HSDL2: variants seen among roughly 807,000 people sequenced by gnomAD.
HSDL2 encodes the protein hydroxysteroid dehydrogenase-like protein 2.
A neutral mutation model predicts 46.3 loss-of-function variants in HSDL2; 27 were observed. That is an observed-to-expected ratio of 0.58 (90% confidence interval 0.43 to 0.80). HSDL2 has a LOEUF of 0.80. HSDL2 is among the 30% of genes least tolerant of loss of function. The pLI is 0.00. For missense variants in HSDL2, 451 were observed against 502.7 expected (o/e 0.90, Z 0.98); for synonymous variants, 153 against 163.6 (o/e 0.94, Z 0.50).
chr9:112,458,917 C>T (rs565099293), intron 9 of HSDL2, among the ~76,000 whole-genome samples: 2 of 151,736 alleles, frequency 1.3e-5, no homozygotes, highest in African/African-American at 4.8e-5. Context: ...GGAGGCGGAG[C>T]TTGCAGTGAG....
chr9:112,455,061 C>T (rs545897674), intron 9 of HSDL2, among the ~76,000 whole-genome samples: 43 of 152,134 alleles, frequency 2.8e-4, no homozygotes, highest in Middle Eastern at 3.4e-3. Flanking sequence ...AAAATTTACA[C>T]GTTAATAATA....
At chr9:112,383,732 C>T (rs763334724) in intron 1 of HSDL2, among the ~76,000 whole-genome samples, 1 of 152,180 alleles carries the variant, frequency 6.6e-6, no homozygotes, top group African/African-American at 2.4e-5. Flanking sequence ...GACAGGGCCT[C>T]GCTCTGTCAC....
intron 4 of HSDL2, among the ~76,000 whole-genome samples, chr9:112,409,773 A>G (rs546273387): frequency 6.6e-6 from 1 of 152,050 alleles, no homozygotes; most frequent in African/African-American, 2.4e-5. Flanking sequence ...GGATCCCTTG[A>G]GCCCAGGAGT....
chr9:112,471,504 C>G lies in HSDL2; in HGVS notation c.*960C>G, dbSNP rs1833573908. The G allele has an allele frequency of 5.3e-5, 8 of 152,294 alleles. No homozygotes were observed. Among genetic ancestry groups the G allele is most frequent in the Admixed American group, 5.2e-4 (8 of 15,286 alleles). 9.4% of individuals were successfully genotyped at this position (152,294 alleles called of 1,614,324 possible). On this transcript the variant is annotated 3_prime_UTR_variant, in exon 11 of 11. Coordinates refer to ENST00000398805, the MANE Select transcript of HSDL2 (RefSeq NM_032303.5). ...GCAAAGAGAGAGGCTTCAGAAGAAA[C>G]AAAATCACCAGCACCTTGATCTTTG...
chr9:112,418,956 C>T lies in HSDL2; in HGVS notation c.596C>T (p.Thr199Ile), dbSNP rs1007556948. Residue 199 changes from threonine (T) to isoleucine (I), a missense_variant and splice_region_variant, in exon 6 of 11, where the codon ACA (threonine) becomes ATA (isoleucine). Transcript: ENST00000398805. Reference sequence around the variant, plus strand: ...GCAGTCAATGCATTATGGCCTAAAACAGGTATGTATTTTTAAAAACTTCAT... The same window carrying T: ...GCAGTCAATGCATTATGGCCTAAAATAGGTATGTATTTTTAAAAACTTCAT... ...EIAVNALWPK[T>I]AIHTAAMDML... 1.3e-6 allele frequency: 2 copies of T among 1,546,350 alleles called. No homozygotes were observed. Among genetic ancestry groups the T allele is most frequent in the Admixed American group, 3.4e-5 (2 of 59,082 alleles).
chr9:112,467,084 T>C (rs1435650674), intron 10 of HSDL2, among the ~76,000 whole-genome samples: 2 of 152,188 alleles, frequency 1.3e-5, no homozygotes, highest in African/African-American at 4.8e-5. Flanking sequence ...CTCAAAAGAA[T>C]TGAAAACAGG....
chr9:112,430,354 G>T (rs995193342), intron 6 of HSDL2, among the ~76,000 whole-genome samples: 2 of 152,176 alleles, frequency 1.3e-5, no homozygotes, highest in Non-Finnish European at 2.9e-5. Context: ...GAAGACCAGT[G>T]TCGCCAGAGT....
intron 1 of HSDL2, among the ~76,000 whole-genome samples, chr9:112,400,374 C>T (rs371174652): frequency 5.6e-4 from 86 of 152,216 alleles, no homozygotes; most frequent in African/African-American, 1.8e-3. Flanking sequence ...TTTGGGAGGC[C>T]GAGGTGGGCA....
At chr9:112,382,580 G>A (rs1564098502) in intron 1 of HSDL2, among the ~76,000 whole-genome samples, 2 of 152,254 alleles carry the variant, frequency 1.3e-5, no homozygotes, top group East Asian at 3.9e-4. Context: ...AGATGCTAAT[G>A]GCATCTCGTG....
intron 10 of HSDL2, among the ~76,000 whole-genome samples, chr9:112,468,163 T>A (rs1371846500): frequency 6.6e-6 from 1 of 152,200 alleles, no homozygotes; most frequent in African/African-American, 2.4e-5. Flanking sequence ...CGTCTTAATC[T>A]TTTCTATCTA....
chr9:112,413,490 A>T (rs1357833489), intron 4 of HSDL2, among the ~76,000 whole-genome samples: 2 of 71,564 alleles, frequency 2.8e-5, no homozygotes, highest in East Asian at 3.5e-4. Context: ...CCTCTCAAAA[A>T]AAAAGAAAAA....
At chr9:112,433,890 TC>T (rs1198583631) in intron 6 of HSDL2, 2 of 152,346 alleles carry the variant, frequency 1.3e-5, no homozygotes, top group African/African-American at 4.8e-5. Flanking sequence ...CAGAGCAGTG[TC>T]CCGGTCTCCC....
At chr9:112,398,386 G>C (rs1364397520) in intron 1 of HSDL2, among the ~76,000 whole-genome samples, 1 of 152,006 alleles carries the variant, frequency 6.6e-6, no homozygotes, top group Non-Finnish European at 1.5e-5. Context: ...GGTTTGAAGA[G>C]GGAAGAGTTA....
At chr9:112,402,658 C>T (rs966480059) in intron 1 of HSDL2, among the ~76,000 whole-genome samples, 2 of 152,004 alleles carry the variant, frequency 1.3e-5, no homozygotes, top group Non-Finnish European at 2.9e-5. Flanking sequence ...CGCGGTGGCT[C>T]ATGCCTGTAA....
intron 6 of HSDL2, among the ~76,000 whole-genome samples, chr9:112,434,650 A>G (rs1832481283): frequency 5.9e-5 from 9 of 152,188 alleles, no homozygotes; most frequent in Admixed American, 5.9e-4. Flanking sequence ...TTCAGTGGAT[A>G]CACACATGAG....
chr9:112,439,114 C>T (rs1470973667), intron 7 of HSDL2, among the ~76,000 whole-genome samples: 7 of 152,170 alleles, frequency 4.6e-5, no homozygotes, highest in African/African-American at 9.7e-5. Context: ...AATCCTTCCA[C>T]CTCAGCCTCT....
rs1043525185 is a variant in HSDL2 at position 112,468,738 on chromosome 9, T to C, written c.1145-1694T>C. Among the ~76,000 whole-genome samples the C allele has an allele frequency of 6.4e-4, 98 of 152,336 alleles. 1 individual carries two copies. The highest frequency in any genetic ancestry group is 2.1e-3 in the African/African-American group (88 of 41,574). On this transcript the variant is annotated intron_variant, in intron 10 of 10. Coordinates refer to ENST00000398805, the MANE Select transcript of HSDL2 (RefSeq NM_032303.5). ...CAGAGATTGTGGAATTTTTAATTTG[T>C]TCTCCATTTACTCTACTTTAGTTAT...
intron 1 of HSDL2, among the ~76,000 whole-genome samples, chr9:112,386,618 C>T (rs570083074): frequency 1.6e-3 from 141 of 85,484 alleles, no homozygotes; most frequent in Non-Finnish European, 3.0e-3. Flanking sequence ...TCTGTCTCTA[C>T]CAAAAAAAAA....
intron 1 of HSDL2, among the ~76,000 whole-genome samples, chr9:112,380,473 G>A (rs1421999026): frequency 6.6e-6 from 1 of 152,202 alleles, no homozygotes; most frequent in Non-Finnish European, 1.5e-5. Flanking sequence ...GGCCCTCCCT[G>A]AGTTTAGCAG....
Sources: allele counts gnomAD v4.1 joint callset (sites outside exome capture counted in the v4.1 genomes callset), GRCh38; gene constraint gnomAD v4.1.1; transcripts MANE v1.5; gene names NCBI Gene and HGNC (gene_info 2026-07-23, HGNC 2026-07-21).